Variants in FNTB observed in about 807,000 individuals in gnomAD.
FNTB encodes the protein protein farnesyltransferase subunit beta.
In FNTB, 27 loss-of-function variants were observed where a neutral mutation model predicts 59.4. The ratio of observed to expected loss-of-function variants is 0.45; its 90% CI spans 0.34 to 0.63. FNTB has a LOEUF of 0.63. Among genes scored for constraint, FNTB ranks in the 20% least tolerant of loss-of-function variants. FNTB has a pLI of 0.02. For missense variants in FNTB, 449 were observed against 559.6 expected, an observed-to-expected ratio of 0.80 and a Z score of 1.99; for synonymous variants, 230 against 220.7, an observed-to-expected ratio of 1.04 and a Z score of -0.37.
Position 65,061,621 on chromosome 14 carries a change from G to C in FNTB, c.*309G>C, listed in dbSNP as rs1213027307. 1 of 277,868 alleles carries C rather than the reference G, an allele frequency of 3.6e-6. No homozygotes were observed. The highest frequency in any genetic ancestry group is 2.1e-5 in the African/African-American group (1 of 47,012). 17.2% of individuals were successfully genotyped at this position (277,868 alleles called of 1,614,324 possible). ...GCTCTCCAGCCAGGACGATCACACA[G>C]AGATGAATGGCATCTGAGTATTACG... On this transcript the variant is annotated 3_prime_UTR_variant, in exon 12 of 12. Transcript: ENST00000246166.
Position 65,040,875 on chromosome 14 carries a change from G to A in FNTB, c.778G>A (p.Val260Ile), listed in dbSNP as rs776308370. The A allele has an allele frequency of 1.2e-6, 2 of 1,614,034 alleles. No homozygotes were observed. The highest frequency in any genetic ancestry group is 1.7e-6 in the Non-Finnish European group (2 of 1,179,962). Residue 260 changes from valine to isoleucine, a missense_variant, in exon 8 of 12, where the codon GTA becomes ATA. Physicochemically the swap from Val to Ile is conservative, Grantham distance 29. Around this residue, in one of 2 missense-constraint regions of FNTB, gnomAD observed 337 missense variants for 479.1 expected, o/e 0.70. Coordinates refer to ENST00000246166, the MANE Select transcript of FNTB (RefSeq NM_002028.4). ...GYTFCGLAAL[V>I]ILKRERSLNL... The stretch of plus-strand genomic sequence containing the variant: ...TACCTTCTGTGGCCTGGCCGCGCTG[G>A]TAATCCTCAAGAGGGAACGTTCCTT...
At chr14:65,045,696 G>A (rs1020087479) in intron 9 of FNTB, among the ~76,000 whole-genome samples, 3 of 152,078 alleles carry the variant, frequency 2.0e-5, no homozygotes, top group African/African-American at 7.2e-5. Context: ...GATTATAGGC[G>A]TGAGCCACCG....
chr14:65,054,371 G>T lies in FNTB; in HGVS notation c.1068-204G>T, dbSNP rs943453973. On this transcript the variant is annotated intron_variant, in intron 10 of 11. Transcript: ENST00000246166. This position sits in a 1 kb window ranked among gnomAD's most constrained non-coding sequence, Gnocchi z 4.4. ...AACCGTTCTCTTGCCTCAGCCTCCT[G>T]CTTGCTGGGATTATGGGTGTGAGCC... Among the ~76,000 whole-genome samples the T allele has an allele frequency of 1.3e-5, 2 of 151,666 alleles. No individual in the cohort carries two copies. The highest frequency in any genetic ancestry group is 4.8e-5 in the African/African-American group (2 of 41,296).
intron 7 of FNTB, among the ~76,000 whole-genome samples, chr14:65,033,890 T>C (rs904037587): frequency 2.6e-5 from 4 of 152,190 alleles, no homozygotes; most frequent in African/African-American, 4.8e-5. Context: ...TAGACACATA[T>C]ATACTATGAT....
chr14:65,058,129 G>C (rs1021873285), intron 11 of FNTB, among the ~76,000 whole-genome samples: 23 of 149,414 alleles, frequency 1.5e-4, no homozygotes, highest in Non-Finnish European at 4.5e-5. Context: ...TTTTCTTCCT[G>C]TCTTCCCAGG....
chr14:65,015,972 C>T (rs1397911858), intron 4 of FNTB, among the ~76,000 whole-genome samples: 1 of 152,172 alleles, frequency 6.6e-6, no homozygotes, highest in Non-Finnish European at 1.5e-5. Flanking sequence ...TCTTTTGGCT[C>T]TTGACTCTGG....
Position 65,005,463 on chromosome 14 carries a change from TTCTTTC to T in FNTB, c.209+1152_209+1157del, listed in dbSNP as rs767019589. Among the ~76,000 whole-genome samples the T allele has an allele frequency of 4.5e-3, 576 of 127,342 alleles. 8 individuals carry two copies. The highest frequency in any genetic ancestry group is 0.011 in the Middle Eastern group (3 of 280). 83.5% of individuals were successfully genotyped at this position (127,342 alleles called of 152,430 possible). ...CTCTTCCTTTCTTTTCTTTCTTTCT[TTCTTTC>T]TTTCTTTCTTTCTTTCTTTCTTTCT... On this transcript the variant is annotated intron_variant, in intron 2 of 11. Transcript: ENST00000246166.
intron 1 of FNTB, among the ~76,000 whole-genome samples, chr14:64,993,942 G>A (rs557130158): frequency 2.8e-4 from 42 of 151,488 alleles, no homozygotes; most frequent in Admixed American, 2.0e-3. Context: ...CGTAACCTCC[G>A]CCTCCTGGGT....
At chr14:65,035,195 A>G (rs1001256430) in intron 7 of FNTB, among the ~76,000 whole-genome samples, 4 of 151,856 alleles carry the variant, frequency 2.6e-5, no homozygotes, top group African/African-American at 9.7e-5. Flanking sequence ...GCCCGCCCTG[A>G]CCCCTGACCC....
rs189372325 is a variant in FNTB at position 65,024,925 on chromosome 14, T to G, written c.375-2528T>G. 1.6e-3 allele frequency among the ~76,000 whole-genome samples: 241 copies of G among 152,302 alleles called. 1 individual carries two copies. The highest frequency in any genetic ancestry group is 5.8e-3 in the African/African-American group (240 of 41,568). On this transcript the variant is annotated intron_variant, in intron 4 of 11. Coordinates refer to ENST00000246166, the MANE Select transcript of FNTB (RefSeq NM_002028.4). ...CAAGCCACTATGCCTGGCTCCTTTT[T>G]TTTGTTTGTTTGTTTTTTTTAAATA...
intron 1 of FNTB, among the ~76,000 whole-genome samples, chr14:64,995,319 CTAAAA>C (rs1464338801): frequency 6.6e-6 from 1 of 152,046 alleles, no homozygotes; most frequent in Non-Finnish European, 1.5e-5. Flanking sequence ...GAGTTACACT[CTAAAA>C]TAATAATATA....
chr14:65,052,128 AG>A (rs2062629914), intron 9 of FNTB, among the ~76,000 whole-genome samples: 1 of 152,176 alleles, frequency 6.6e-6, no homozygotes, highest in Non-Finnish European at 1.5e-5. Context: ...CATATATATA[AG>A]ATTTTTAGCT....
At chr14:65,048,697 TAAA>T (rs2062541175) in intron 9 of FNTB, among the ~76,000 whole-genome samples, 1 of 149,308 alleles carries the variant, frequency 6.7e-6, no homozygotes, top group South Asian at 2.1e-4. Flanking sequence ...TACAAAAAAT[TAAA>T]AACAGTTAAC....
rs921653725 is a variant in FNTB at position 65,011,465 on chromosome 14, G to T, written c.210-852G>T. 6.6e-6 allele frequency among the ~76,000 whole-genome samples: 1 copy of T among 151,152 alleles called. No individual in the cohort carries two copies. Among genetic ancestry groups the T allele is most frequent in the Admixed American group, 6.6e-5 (1 of 15,170 alleles). ...AAAAAAAAAAAAAGACTGCATGAAGGCTCTTACTCTGAGCCAAGTACAGTG... is the reference window on the plus strand; with the variant it reads ...AAAAAAAAAAAAAGACTGCATGAAGTCTCTTACTCTGAGCCAAGTACAGTG... On this transcript the variant is annotated intron_variant, in intron 2 of 11. Coordinates refer to ENST00000246166, the MANE Select transcript of FNTB (RefSeq NM_002028.4). This position sits in a 1 kb window ranked among gnomAD's most constrained non-coding sequence, Gnocchi z 4.0.
intron 9 of FNTB, among the ~76,000 whole-genome samples, chr14:65,050,316 C>T (rs936585996): frequency 1.3e-5 from 2 of 152,324 alleles, no homozygotes; most frequent in African/African-American, 4.8e-5. Flanking sequence ...CTAAAGCTGG[C>T]CGGGCGTGGT....
rs1206894316 is a variant in FNTB at position 65,023,311 on chromosome 14, C to T, written c.375-4142C>T. Among the ~76,000 whole-genome samples the T allele has an allele frequency of 1.3e-5, 2 of 152,186 alleles. No individual in the cohort carries two copies. Among genetic ancestry groups the T allele is most frequent in the Non-Finnish European group, 2.9e-5 (2 of 68,032 alleles). On this transcript the variant is annotated intron_variant, in intron 4 of 11. Transcript: ENST00000246166. This position sits in a 1 kb window ranked among gnomAD's most constrained non-coding sequence, Gnocchi z 4.1. ...TGAGCTCAAGTGATCCCCCTCACCT[C>T]AGCCAAAGTGCTGGGATTACAGGCA...
chr14:65,047,742 G>A lies in FNTB; in HGVS notation c.955+3299G>A, dbSNP rs1354844636. ...TAGCAGCCTAAGTGCCTATCAAAAG[G>A]TTAAGGGTTAAATAATAAAAATCTC... is the stretch of plus-strand genomic sequence containing the variant. On this transcript the variant is annotated intron_variant, in intron 9 of 11. Transcript: ENST00000246166. This position sits in a 1 kb window ranked among gnomAD's most constrained non-coding sequence, Gnocchi z 5.2. Among the ~76,000 whole-genome samples, 1 of 152,128 alleles carries A rather than the reference G, an allele frequency of 6.6e-6. No homozygotes were observed. The highest frequency in any genetic ancestry group is 2.4e-5 in the African/African-American group (1 of 41,424).
chr14:65,015,732 G>A lies in FNTB; in HGVS notation c.374+16G>A, dbSNP rs1485487478. 1.2e-6 allele frequency: 2 copies of A among 1,610,154 alleles called. No homozygotes were observed. Among genetic ancestry groups the A allele is most frequent in the Non-Finnish European group, 1.7e-6 (2 of 1,177,334 alleles). On this transcript the variant is annotated intron_variant, in intron 4 of 11. Coordinates refer to ENST00000246166, the MANE Select transcript of FNTB (RefSeq NM_002028.4). Reference sequence around the variant, plus strand: ...TGGCTACAGAGTGAGTCTGTCTTTGGGAAATCTGGGGTGTTCTCTGAAATT... The same window carrying A: ...TGGCTACAGAGTGAGTCTGTCTTTGAGAAATCTGGGGTGTTCTCTGAAATT...
chr14:65,003,380 C>T (rs914338372), intron 1 of FNTB: 3 of 152,070 alleles, frequency 2.0e-5, no homozygotes, highest in African/African-American at 7.2e-5. Context: ...ATCCAAACAA[C>T]TTCATAGAGC....
Sources: allele counts gnomAD v4.1 joint callset (sites outside exome capture counted in the v4.1 genomes callset), GRCh38; gene constraint gnomAD v4.1.1; regional missense constraint gnomAD v4.1.1; non-coding constraint Gnocchi (gnomAD v3.1); transcripts MANE v1.5; gene names NCBI Gene and HGNC (gene_info 2026-07-23, HGNC 2026-07-21).